HS6ST3: variants seen among roughly 807,000 people sequenced by gnomAD.
The protein encoded by HS6ST3 is heparan sulfate 6-O-sulfotransferase 3.
Under a neutral mutation model 36.7 loss-of-function variants are expected in HS6ST3, and 12 were observed. That is an observed-to-expected ratio of 0.33 (90% CI 0.21 to 0.53). The LOEUF (loss-of-function observed/expected upper bound fraction) is 0.53. Ranked by LOEUF, HS6ST3 falls within the 20% of genes least tolerant of loss-of-function variation. The probability of loss-of-function intolerance (pLI) is 0.95; values close to 1 mark genes in which losing one functional copy is unlikely to be tolerated. For missense variants in HS6ST3, 584 were observed against 640.9 expected, an observed-to-expected ratio of 0.91 and a Z score of 0.96; for synonymous variants, 240 against 257.5, an observed-to-expected ratio of 0.93 and a Z score of 0.65.
At chr13:96,138,667 A>G (rs1184948776) in intron 1 of HS6ST3, among the ~76,000 whole-genome samples, 2 of 152,014 alleles carry the variant, frequency 1.3e-5, no homozygotes, top group African/African-American at 2.4e-5. Flanking sequence ...TTCTGCCAAT[A>G]TGTATTAGTT....
At chr13:96,120,362 C>T (rs1166391038) in intron 1 of HS6ST3, among the ~76,000 whole-genome samples, 4 of 152,176 alleles carry the variant, frequency 2.6e-5, no homozygotes, top group African/African-American at 9.7e-5. Flanking sequence ...AGGGACTGTG[C>T]AGCTTTTGCA....
intron 1 of HS6ST3, among the ~76,000 whole-genome samples, chr13:96,346,050 G>T (rs1435990051): frequency 6.6e-6 from 1 of 152,102 alleles, no homozygotes; most frequent in African/African-American, 2.4e-5. Context: ...ATAATCTAGT[G>T]CTGTTGCTGA....
chr13:96,617,244 T>C lies in HS6ST3; in HGVS notation c.708-215246T>C, dbSNP rs148756709. Among the ~76,000 whole-genome samples, 1,177 of 152,322 alleles carry C rather than the reference T, an allele frequency of 7.7e-3. 16 individuals are homozygous for C. The highest frequency in any genetic ancestry group is 0.026 in the African/African-American group (1,081 of 41,564). ...TTGATTAAACCTTACTAACTCAATT[T>C]CAAATGACATTTCATTCCTTTAGTC... On this transcript the variant is annotated intron_variant, in intron 1 of 1. Transcript: ENST00000376705.
At position 96,833,411 on chromosome 13, in the gene HS6ST3, A is replaced by G; in HGVS notation, c.*213A>G. 1 of 555,488 alleles carries G rather than the reference A, an allele frequency of 1.8e-6. No homozygotes were observed. Among genetic ancestry groups the G allele is most frequent in the Non-Finnish European group, 3.1e-6 (1 of 318,184 alleles). The allele number at this position is 555,488 out of a possible 1,614,324, so 34.4% of individuals were successfully genotyped here. On this transcript the variant is annotated 3_prime_UTR_variant, in exon 2 of 2. Coordinates refer to ENST00000376705, the MANE Select transcript of HS6ST3 (RefSeq NM_153456.4). ...TGACATTTTGCAATTGGTGATATTA[A>G]GTAGGGTAGGAGTGCATCCCATATA...
intron 1 of HS6ST3, among the ~76,000 whole-genome samples, chr13:96,674,693 A>T (rs989632469): frequency 1.3e-5 from 2 of 152,000 alleles, no homozygotes; most frequent in African/African-American, 4.8e-5. Flanking sequence ...CAGCTGGGGG[A>T]TGCTGGAGAC....
intron 1 of HS6ST3, among the ~76,000 whole-genome samples, chr13:96,162,212 A>T (rs2054138933): frequency 6.6e-6 from 1 of 152,216 alleles, no homozygotes; most frequent in African/African-American, 2.4e-5. Flanking sequence ...GTGACGTGGT[A>T]GACGGATTCA....
chr13:96,441,609 G>A (rs768872668), intron 1 of HS6ST3, among the ~76,000 whole-genome samples: 5 of 152,146 alleles, frequency 3.3e-5, no homozygotes, highest in African/African-American at 7.2e-5. Flanking sequence ...AGTTCAGAAA[G>A]TGCAGAAAAT....
intron 1 of HS6ST3, among the ~76,000 whole-genome samples, chr13:96,297,609 C>T (rs1271569507): frequency 6.6e-6 from 1 of 152,108 alleles, no homozygotes; most frequent in Non-Finnish European, 1.5e-5. Flanking sequence ...TCTCTGTGCC[C>T]TTGTTTTGCT....
At chr13:96,380,141 A>G (rs1455107615) in intron 1 of HS6ST3, among the ~76,000 whole-genome samples, 1 of 152,104 alleles carries the variant, frequency 6.6e-6, no homozygotes, top group African/African-American at 2.4e-5. Flanking sequence ...TTCATAGAAC[A>G]TTCTGTTTCA....
intron 1 of HS6ST3, among the ~76,000 whole-genome samples, chr13:96,583,659 A>G (rs1272783088): frequency 1.3e-5 from 2 of 151,982 alleles, no homozygotes; most frequent in African/African-American, 4.8e-5. Flanking sequence ...TTTTTTTCAA[A>G]CCATTCTAAC....
intron 1 of HS6ST3, among the ~76,000 whole-genome samples, chr13:96,341,405 T>C (rs2055129417): frequency 6.6e-6 from 1 of 152,204 alleles, no homozygotes; most frequent in South Asian, 2.1e-4. Context: ...TGCATACATA[T>C]ATGTGGACAG....
At chr13:96,474,066 A>G (rs1413705405) in intron 1 of HS6ST3, among the ~76,000 whole-genome samples, 2 of 152,162 alleles carry the variant, frequency 1.3e-5, no homozygotes, top group African/African-American at 2.4e-5. Flanking sequence ...TCAACCTACA[A>G]TGAGCAGTGA....
intron 1 of HS6ST3, among the ~76,000 whole-genome samples, chr13:96,255,578 T>C (rs1173111624): frequency 6.6e-6 from 1 of 152,170 alleles, no homozygotes; most frequent in African/African-American, 2.4e-5. Flanking sequence ...AGAAGATATG[T>C]ATTTTAACAT....
chr13:96,699,996 A>G (rs1295396363), intron 1 of HS6ST3, among the ~76,000 whole-genome samples: 1 of 152,198 alleles, frequency 6.6e-6, no homozygotes, highest in Non-Finnish European at 1.5e-5. Context: ...CTGAGATTGT[A>G]TTAGCCTTCT....
intron 1 of HS6ST3, among the ~76,000 whole-genome samples, chr13:96,831,965 A>AAAAAAAAAG (rs1566464279): frequency 6.8e-6 from 1 of 146,696 alleles, no homozygotes; most frequent in African/African-American, 2.5e-5. Context: ...AAAAAAAAAA[A>AAAAAAAAAG]AAAAAAAAAA....
chr13:96,563,378 G>A (rs924319392), intron 1 of HS6ST3, among the ~76,000 whole-genome samples: 1 of 152,162 alleles, frequency 6.6e-6, no homozygotes, highest in Non-Finnish European at 1.5e-5. Flanking sequence ...AGTATCACAG[G>A]TGGTAACAGA....
chr13:96,256,706 G>A (rs917522437), intron 1 of HS6ST3, among the ~76,000 whole-genome samples: 2 of 152,172 alleles, frequency 1.3e-5, no homozygotes, highest in Non-Finnish European at 2.9e-5. Flanking sequence ...GAGTCGTAAG[G>A]CAAAGGTGGT....
chr13:96,304,711 C>CTTTCTTTCTTTCTTTCTTT, intron 1 of HS6ST3, among the ~76,000 whole-genome samples: 1 of 89,336 alleles, frequency 1.1e-5, no homozygotes, highest in African/African-American at 4.4e-5. Flanking sequence ...TTCTTTCTTT[C>CTTTCTTTCTTTCTTTCTTT]TTTTTTTTTT....
intron 1 of HS6ST3, among the ~76,000 whole-genome samples, chr13:96,749,223 T>C (rs1376165754): frequency 6.6e-6 from 1 of 152,146 alleles, no homozygotes; most frequent in Non-Finnish European, 1.5e-5. Context: ...AAAGTGATAA[T>C]TTCAACAGAA....
Sources: allele counts gnomAD v4.1 joint callset (sites outside exome capture counted in the v4.1 genomes callset), GRCh38; gene constraint gnomAD v4.1.1; transcripts MANE v1.5; gene names NCBI Gene and HGNC (gene_info 2026-07-23, HGNC 2026-07-21).